The following TEX11 variants were observed in gnomAD, a reference collection of about 807,000 sequenced individuals.
The protein encoded by TEX11 is testis-expressed protein 11.
TEX11 carries 7 observed loss-of-function variants against 84.4 expected under a neutral mutation model. The ratio of observed to expected loss-of-function variants is 0.08; its 90% CI spans 0.05 to 0.16. The LOEUF (loss-of-function observed/expected upper bound fraction) is 0.16, where lower values mean the gene tolerates loss of function less well. Ranked by LOEUF, TEX11 falls within the 10% of genes least tolerant of loss-of-function variation. The pLI is 1.00. For synonymous variants in TEX11, 264 were observed against 222.8 expected (o/e 1.18, Z -1.64); for missense variants, 551 against 660.5 (o/e 0.83, Z 1.82).
intron 29 of TEX11, 62 bp downstream of exon 29, chrX:70,529,763 CTTGTGGAGAG>C (rs1720400094): frequency 9.4e-7 from 1 of 1,068,130 alleles, no homozygotes; most frequent in Non-Finnish European, 1.2e-6. Context: ...GGGTTGAGTC[CTTGTGGAGAG>C]CCCAGCCATA....
chrX:70,907,874 C>T, intron 1 of TEX11, 64 bp from the exon 2 acceptor site: 1 of 745,011 alleles, frequency 1.3e-6, no homozygotes, highest in Non-Finnish European at 2.0e-6. Flanking sequence ...AAATTTCTTT[C>T]CAGTGAAATG....
chrX:70,629,854 G>A, intron 17 of TEX11, 119 bp from the exon 18 acceptor site: 1 of 602,928 alleles, frequency 1.7e-6, no homozygotes. Context: ...TAAAATGTTA[G>A]TATTCATAAA....
chrX:70,725,543 T>C (rs761466622), intron 11 of TEX11, among the ~76,000 whole-genome samples, 200 bp from the exon 12 acceptor site: 1 of 112,125 alleles, frequency 8.9e-6, no homozygotes, highest in South Asian at 3.7e-4. Context: ...TGAAATAATA[T>C]ATGGAAAAGA....
chrX:70,801,169 AT>A (rs1393692593), intron 9 of TEX11, among the ~76,000 whole-genome samples: 1 of 110,734 alleles, frequency 9.0e-6, no homozygotes, highest in Non-Finnish European at 1.9e-5. Flanking sequence ...ATATCTGTCC[AT>A]TTCTCTTTTG....
chrX:70,789,631 G>A (rs978177776), intron 9 of TEX11, among the ~76,000 whole-genome samples: 9 of 112,037 alleles, frequency 8.0e-5, no homozygotes, highest in African/African-American at 2.9e-4. Context: ...ATGGGGAGAC[G>A]AAAGATAACA....
chrX:70,518,582 A>C, the TEX11 span, among the ~76,000 whole-genome samples: 1 of 112,128 alleles, frequency 8.9e-6, no homozygotes, highest in African/African-American at 3.2e-5. Flanking sequence ...TGTGGTGCTG[A>C]TAAGAATGTA....
intron 17 of TEX11, among the ~76,000 whole-genome samples, chrX:70,635,101 C>A (rs758578227): frequency 4.5e-5 from 5 of 112,012 alleles, no homozygotes; most frequent in Non-Finnish European, 9.4e-5. Context: ...ATGGAAATAC[C>A]TCCACAAGAG....
chrX:70,564,954 G>T, intron 25 of TEX11, among the ~76,000 whole-genome samples: 1 of 108,628 alleles, frequency 9.2e-6, no homozygotes. Flanking sequence ...GGTATTTCTA[G>T]TTCTAGATCC....
Position 70,841,953 on chromosome X carries a change from G to C in TEX11, c.526-8360C>G, listed in dbSNP as rs1415728278. ...CAGGAAGAAGTTGAATCTCTGAATA[G>C]ACCAATAACAGGCTCTGAAATTGTG... On this transcript the variant is annotated intron_variant, in intron 7 of 29. Transcript: ENST00000374333. Among the ~76,000 whole-genome samples, 7 of 111,633 alleles carry C rather than the reference G, an allele frequency of 6.3e-5. No homozygotes were observed. In the Admixed American group the frequency reaches 6.7e-4, roughly 11 times the overall value.
At chrX:70,823,761 C>T (rs1472487954) in intron 8 of TEX11, among the ~76,000 whole-genome samples, 1 of 110,743 alleles carries the variant, frequency 9.0e-6, no homozygotes, top group Non-Finnish European at 1.9e-5. Context: ...AATCCCAGCA[C>T]TTTGGGAGGG....
intron 28 of TEX11, among the ~76,000 whole-genome samples, chrX:70,533,632 G>A (rs1255152032): frequency 1.8e-5 from 2 of 111,483 alleles, no homozygotes; most frequent in African/African-American, 6.5e-5. Context: ...GTAATTTGTG[G>A]TCTTGTAAAG....
intron 28 of TEX11, among the ~76,000 whole-genome samples, chrX:70,539,019 A>AATATATATATATATATATAT (rs971242983): frequency 2.1e-5 from 1 of 47,840 alleles, no homozygotes; most frequent in African/African-American, 7.2e-5. Flanking sequence ...GACACTTGGA[A>AATATATATATATATATATAT]ATATATATAT....
chrX:70,593,742 TA>T (rs1455425709), intron 24 of TEX11, among the ~76,000 whole-genome samples: 2 of 111,557 alleles, frequency 1.8e-5, no homozygotes, highest in African/African-American at 3.3e-5. Flanking sequence ...AATGAAATTT[TA>T]AAACTCACTA....
chrX:70,670,253 T>C, intron 16 of TEX11, 124 bp downstream of exon 16: 1 of 725,425 alleles, frequency 1.4e-6, no homozygotes, highest in Non-Finnish European at 2.0e-6. Context: ...TTTGACCTTG[T>C]TCTATATGAG....
At chrX:70,549,837 C>T (rs2088190366) in intron 28 of TEX11, among the ~76,000 whole-genome samples, 1 of 112,443 alleles carries the variant, frequency 8.9e-6, no homozygotes, top group East Asian at 2.8e-4. Context: ...AAGTTGCTGC[C>T]CTGAAGGGAA....
At chrX:70,519,005 T>A in the TEX11 span, among the ~76,000 whole-genome samples, 1 of 111,948 alleles carries the variant, frequency 8.9e-6, no homozygotes, top group Non-Finnish European at 1.9e-5. Flanking sequence ...CCTATGTGTG[T>A]CTCTGCGTGT....
At chrX:70,632,008 A>G (rs1284408567) in intron 17 of TEX11, among the ~76,000 whole-genome samples, 1 of 91,863 alleles carries the variant, frequency 1.1e-5, no homozygotes, top group Non-Finnish European at 2.1e-5. Flanking sequence ...GATGAGTTTC[A>G]GTGTTAAAAC....
intron 9 of TEX11, among the ~76,000 whole-genome samples, chrX:70,791,064 T>C (rs1206744721): frequency 8.9e-6 from 1 of 111,737 alleles, no homozygotes; most frequent in East Asian, 2.8e-4. Context: ...AATGATGAGT[T>C]CATGTCCTTT....
At chrX:70,741,454 G>A (rs1313214734) in intron 10 of TEX11, among the ~76,000 whole-genome samples, 1 of 110,746 alleles carries the variant, frequency 9.0e-6, no homozygotes, top group Admixed American at 9.7e-5. Flanking sequence ...AACTAGAATG[G>A]GGCCAAGGGA....
Sources: gnomAD v4.1 joint callset for allele counts (sites outside exome capture counted in the v4.1 genomes callset) on GRCh38, gnomAD v4.1.1 for gene constraint, MANE v1.5 for transcripts, NCBI Gene and HGNC (gene_info 2026-07-23, HGNC 2026-07-21) for gene names.